The following CTNNBIP1 variants were observed in gnomAD, a reference collection of about 807,000 sequenced individuals.
The protein encoded by CTNNBIP1 is beta-catenin-interacting protein 1.
Under a neutral mutation model 11.8 loss-of-function variants are expected in CTNNBIP1, and 7 were observed. The ratio of observed to expected loss-of-function variants is 0.60; its 90% CI spans 0.34 to 1.12. CTNNBIP1 has a LOEUF of 1.12. CTNNBIP1 is among the 50% of genes most tolerant of loss of function. The pLI is 0.03. For synonymous variants in CTNNBIP1, 58 were observed against 43.9 expected, an observed-to-expected ratio of 1.32 and a Z score of -1.26; for missense variants, 101 against 113.4, an observed-to-expected ratio of 0.89 and a Z score of 0.50.
intron 3 of CTNNBIP1, among the ~76,000 whole-genome samples, chr1:9,874,215 A>G (rs534925975): frequency 6.6e-6 from 1 of 152,222 alleles, no homozygotes; most frequent in East Asian, 1.9e-4. Context: ...GTGTCCCCTA[A>G]GCCAGGAACT....
intron 1 of CTNNBIP1, among the ~76,000 whole-genome samples, chr1:9,889,255 C>T (rs1289753276): frequency 1.3e-5 from 2 of 152,210 alleles, no homozygotes; most frequent in Non-Finnish European, 2.9e-5. Flanking sequence ...CCTCATATTC[C>T]CTCTACAGCC....
intron 5 of CTNNBIP1, among the ~76,000 whole-genome samples, chr1:9,863,594 C>G (rs1414498708): frequency 6.6e-6 from 1 of 152,242 alleles, no homozygotes; most frequent in Non-Finnish European, 1.5e-5. Context: ...ATCCATCCAG[C>G]AGACACCTAC....
chr1:9,892,589 T>TA (rs202010915), intron 1 of CTNNBIP1, among the ~76,000 whole-genome samples: 10,061 of 147,178 alleles, frequency 0.068, 1,162 homozygotes, highest in African/African-American at 0.24. Context: ...CGAGACTGTC[T>TA]CAAAAAAAAA....
chr1:9,898,911 G>A (rs941750259), intron 1 of CTNNBIP1, among the ~76,000 whole-genome samples: 3 of 152,112 alleles, frequency 2.0e-5, no homozygotes, highest in Admixed American at 6.5e-5. Context: ...ATTTGTTATT[G>A]TATTGTTATA....
chr1:9,887,806 A>G (rs1639216152), intron 1 of CTNNBIP1, among the ~76,000 whole-genome samples: 2 of 152,118 alleles, frequency 1.3e-5, no homozygotes, highest in Non-Finnish European at 2.9e-5. Context: ...AAGGCTTACA[A>G]TTATTATATA....
At chr1:9,891,041 CA>C (rs1639290963) in intron 1 of CTNNBIP1, among the ~76,000 whole-genome samples, 1 of 150,760 alleles carries the variant, frequency 6.6e-6, no homozygotes, top group African/African-American at 2.4e-5. Context: ...ATCCCGCTGT[CA>C]AAAGCTATGC....
At chr1:9,880,306 T>A (rs909869123) in intron 2 of CTNNBIP1, among the ~76,000 whole-genome samples, 7 of 152,206 alleles carry the variant, frequency 4.6e-5, no homozygotes, top group African/African-American at 1.7e-4. Flanking sequence ...AAGGACACGA[T>A]CTCATTCTTT....
chr1:9,907,207 G>A (rs983183062), intron 1 of CTNNBIP1, among the ~76,000 whole-genome samples: 11 of 152,100 alleles, frequency 7.2e-5, no homozygotes, highest in Admixed American at 2.0e-4. Flanking sequence ...GTCTTCCTCC[G>A]TCGCCCAGGC....
At chr1:9,854,627 T>A (rs1173557821) in intron 5 of CTNNBIP1, among the ~76,000 whole-genome samples, 3 of 152,124 alleles carry the variant, frequency 2.0e-5, no homozygotes, top group African/African-American at 7.2e-5. Context: ...CTATCCCTAT[T>A]TGTAGATGAC....
intron 1 of CTNNBIP1, among the ~76,000 whole-genome samples, chr1:9,895,894 C>G (rs536074342): frequency 6.6e-6 from 1 of 152,302 alleles, no homozygotes; most frequent in South Asian, 2.1e-4. Flanking sequence ...TCCAAAAGTG[C>G]TGGGATTACA....
intron 1 of CTNNBIP1, among the ~76,000 whole-genome samples, chr1:9,901,133 A>C (rs1639512281): frequency 6.6e-6 from 1 of 152,244 alleles, no homozygotes; most frequent in African/African-American, 2.4e-5. Context: ...ATTACAGAGA[A>C]GCATTAAAAT....
intron 1 of CTNNBIP1, among the ~76,000 whole-genome samples, chr1:9,901,266 C>G (rs1639515559): frequency 6.6e-6 from 1 of 152,148 alleles, no homozygotes; most frequent in South Asian, 2.1e-4. Context: ...CAGGATGGGT[C>G]TCTGGGAAGC....
chr1:9,906,191 T>A (rs1465877262), intron 1 of CTNNBIP1, among the ~76,000 whole-genome samples: 5 of 152,216 alleles, frequency 3.3e-5, no homozygotes, highest in Non-Finnish European at 7.3e-5. Flanking sequence ...CTGCTGAAGA[T>A]CATGCAGCTC....
rs542496072 is a variant in CTNNBIP1 at position 9,871,953 on chromosome 1, C to T, written c.96+16G>A. 1 of 1,607,508 alleles carries T rather than the reference C, an allele frequency of 6.2e-7. No individual in the cohort carries two copies. The highest frequency in any genetic ancestry group is 1.1e-5 in the South Asian group (1 of 90,956). ...CTCCCTGGGGGCCCGCTGCCTGACA[C>T]CCCACAGGCACTCACGTTTGATCCC... On this transcript the variant is annotated intron_variant, in intron 4 of 5. Transcript: ENST00000377263. This position sits in a 1 kb window ranked among gnomAD's most constrained non-coding sequence, Gnocchi z 5.2.
chr1:9,887,438 C>T (rs966974204), intron 1 of CTNNBIP1, among the ~76,000 whole-genome samples: 10 of 152,298 alleles, frequency 6.6e-5, no homozygotes, highest in African/African-American at 9.6e-5. Context: ...AAATGTGGGC[C>T]GGGCACAGTG....
In CTNNBIP1 at chr1:9,909,030, A is replaced by G. The variant is rs1557771168; in HGVS notation, c.-144+1065T>C. On this transcript the variant is annotated intron_variant, in intron 1 of 5. Coordinates refer to ENST00000377263, the MANE Select transcript of CTNNBIP1 (RefSeq NM_020248.3). ...CTTTAAATCTGAGGAAGCTGCTGGTATCTCTGGACATTTTAATGGCACAAG... is the reference window on the plus strand; with the variant it reads ...CTTTAAATCTGAGGAAGCTGCTGGTGTCTCTGGACATTTTAATGGCACAAG... Among the ~76,000 whole-genome samples the G allele has an allele frequency of 2.0e-5, 3 of 152,352 alleles. No individual in the cohort carries two copies. The East Asian group carries it at 5.8e-4, about 29-fold the overall frequency.
At chr1:9,907,924 G>C (rs992480503) in intron 1 of CTNNBIP1, among the ~76,000 whole-genome samples, 1 of 152,202 alleles carries the variant, frequency 6.6e-6, no homozygotes, top group African/African-American at 2.4e-5. Flanking sequence ...ACAGTGGCCA[G>C]AACAATCTTT....
rs1639115256 is a variant in CTNNBIP1, at chr1:9,883,013, C to T, written c.-110+692G>A. Among the ~76,000 whole-genome samples the T allele has an allele frequency of 6.6e-6, 1 of 152,160 alleles. No homozygotes were observed. The highest frequency in any genetic ancestry group is 2.4e-5 in the African/African-American group (1 of 41,426). The stretch of plus-strand genomic sequence containing the variant: ...AATGGGGGGCCTCAGGAAGAAAACA[C>T]GTGCAAGCACGGGTGGGGCAGCCGC... On this transcript the variant is annotated intron_variant, in intron 2 of 5. Transcript: ENST00000377263. The surrounding 1 kb of genome is among the most constrained non-coding windows in gnomAD (Gnocchi z 5.6).
rs890074870 is a variant in CTNNBIP1, at chr1:9,851,533, G to A, written c.188-757C>T. 6.6e-6 allele frequency among the ~76,000 whole-genome samples: 1 copy of A among 152,030 alleles called. No individual in the cohort carries two copies. Among genetic ancestry groups the A allele is most frequent in the Non-Finnish European group, 1.5e-5 (1 of 68,008 alleles). ...TTACAGGTGTGCATCACCACGCCCG[G>A]CTAATTTTTTTGTATTTTTAGTAGA... On this transcript the variant is annotated intron_variant, in intron 5 of 5. Coordinates refer to ENST00000377263, the MANE Select transcript of CTNNBIP1 (RefSeq NM_020248.3). This position sits in a 1 kb window ranked among gnomAD's most constrained non-coding sequence, Gnocchi z 4.8.
Sources: gnomAD v4.1 joint callset for allele counts (sites outside exome capture counted in the v4.1 genomes callset) on GRCh38, gnomAD v4.1.1 for gene constraint, Gnocchi (gnomAD v3.1) non-coding constraint, MANE v1.5 for transcripts, NCBI Gene and HGNC (gene_info 2026-07-23, HGNC 2026-07-21) for gene names.